The following MUC3A variants were observed in gnomAD, a reference collection of about 807,000 sequenced individuals.
MUC3A encodes mucin 3A, cell surface associated, also known as mucin-3A.
Under a neutral mutation model 109.0 loss-of-function variants are expected in MUC3A, and 109 were observed. That is an observed-to-expected ratio of 1.00 (90% CI 0.86 to 1.17). The LOEUF is 1.17. MUC3A is among the 50% of genes most tolerant of loss of function. The pLI is 0.00. For missense variants in MUC3A, 3,537 were observed against 2,469.4 expected (o/e 1.43, Z -9.16); for synonymous variants, 1,398 against 981.4 (o/e 1.42, Z -7.93).
chr7:100,963,855 AGGGGTG>A, intron 5 of MUC3A, 103 bp downstream of exon 5: 50 of 1,495,374 alleles, frequency 3.3e-5, no homozygotes, highest in Non-Finnish European at 4.4e-5. Context: ...TTTTATAAAG[AGGGGTG>A]GAGGGGGTAC....
chr7:100,949,909 A>T (rs1236682919), intron 1 of MUC3A, among the ~76,000 whole-genome samples: 1 of 152,266 alleles, frequency 6.6e-6, no homozygotes, highest in Non-Finnish European at 1.5e-5. Flanking sequence ...GTTGGGAAAG[A>T]GTGAGGGAGC....
rs1484930491 is a variant in MUC3A, at chr7:100,963,179, A to C, written c.9081A>C (p.Glu3027Asp). The change falls in exon 4 of 12, where the codon GAA becomes GAC. Residue 3027 changes from glutamate to aspartate, a missense_variant. Transcript: ENST00000379458. ...LDVVETEVGM[E>D]VSVDQQFSPD... ...TAGTGGAGACCGAGGTGGGCATGGA[A>C]GTGTCTGTGGATCAGCAGTTCTCGC... 7.5e-6 allele frequency: 12 copies of C among 1,596,892 alleles called. No individual in the cohort carries two copies. The Middle Eastern group carries it at 8.2e-4, about 109-fold the overall frequency.
Position 100,952,155 on chromosome 7 carries a change from A to C in MUC3A, c.376A>C (p.Thr126Pro), listed in dbSNP as rs1273213552. Residue 126 changes from threonine (T) to proline (P), a missense_variant, in exon 2 of 12, where the codon ACT becomes CCT. By Grantham distance (38) the Thr-to-Pro change is conservative. Coordinates refer to ENST00000379458, the MANE Select transcript of MUC3A (RefSeq NM_005960.2). ...CACCGTGTTGGTCTATTCAGCCACC[A>C]CTGAGTGCGTGTATCCAACGAGCTT... The part of the protein sequence containing the change: ...PPTVLVYSAT[T>P]ECVYPTSFII... 1 of 1,598,392 alleles carries C rather than the reference A, an allele frequency of 6.3e-7. No individual in the cohort carries two copies. The highest frequency in any genetic ancestry group is 1.7e-5 in the Admixed American group (1 of 60,010).
chr7:100,949,762 T>G, intron 1 of MUC3A, 77 bp downstream of exon 1: 1 of 1,382,730 alleles, frequency 7.2e-7, no homozygotes. Flanking sequence ...GAAAAGTGGC[T>G]GTAAGGCCTG....
intron 6 of MUC3A, 137 bp from the exon 7 acceptor site, chr7:100,965,145 C>G (rs899784210): frequency 7.2e-7 from 1 of 1,383,330 alleles, no homozygotes; most frequent in Non-Finnish European, 9.8e-7. Context: ...TGGCTCTCTC[C>G]GTCTGGGAGA....
In MUC3A at chr7:100,967,497, T is replaced by C; in HGVS notation, c.*335T>C. On this transcript the variant is annotated 3_prime_UTR_variant, in exon 12 of 12. Coordinates refer to ENST00000379458, the MANE Select transcript of MUC3A (RefSeq NM_005960.2). ...CCACATAGACTTGGTCAATTCTCGG[T>C]CCTACTCTGCCCTCCCGTCTCAGCC... 3.7e-6 allele frequency: 2 copies of C among 542,174 alleles called. No individual in the cohort carries two copies. Among genetic ancestry groups the C allele is most frequent in the Non-Finnish European group, 3.3e-6 (1 of 306,150 alleles). 33.6% of individuals were successfully genotyped at this position (542,174 alleles called of 1,614,324 possible).
In MUC3A at chr7:100,954,422, C is replaced by T. The variant is rs1035077993; in HGVS notation, c.2643C>T (p.Thr881=). 5 of 400,750 alleles carry T rather than the reference C, an allele frequency of 1.2e-5. No individual in the cohort carries two copies. The Admixed American group carries it at 1.8e-4, about 14-fold the overall frequency. The allele number at this position is 400,750 out of a possible 1,614,324, so 24.8% of individuals were successfully genotyped here. A position where few individuals can be genotyped will look rare whatever the true frequency, so the allele number is the denominator to read the frequency against. The change falls in exon 2 of 12, where the codon ACC becomes ACT. Residue 881 remains threonine, a synonymous_variant. Transcript: ENST00000379458. ...ISISVSMTSA[T]TPSGGPTFTS... The stretch of plus-strand genomic sequence containing the variant: ...TCTCTGTTAGCATGACGTCTGCTAC[C>T]ACTCCCAGTGGAGGACCAACTTTCA...
chr7:100,961,319 G>A (rs1792317590), intron 3 of MUC3A, among the ~76,000 whole-genome samples: 1 of 134,026 alleles, frequency 7.5e-6, no homozygotes. Flanking sequence ...CACCAGGGCT[G>A]TGTTGTCTTT....
At position 100,960,454 on chromosome 7, in the gene MUC3A, C is replaced by A. The variant is rs747950347; in HGVS notation, c.8675C>A (p.Thr2892Asn). The A allele has an allele frequency of 2.5e-6, 4 of 1,598,630 alleles. No individual in the cohort carries two copies. Among genetic ancestry groups the A allele is most frequent in the Middle Eastern group, 1.7e-4 (1 of 6,060 alleles). The change falls in exon 2 of 12, where the codon ACC becomes AAC. Residue 2892 changes from threonine (T) to asparagine (N), a missense_variant. Coordinates refer to ENST00000379458, the MANE Select transcript of MUC3A (RefSeq NM_005960.2). ...CCTGGCGTCTCTACCATCCCGCTCA[C>A]CATGAAACCAAGCAGTAGCCTCCCG... ...PLPGVSTIPL[T>N]MKPSSSLPTI...
rs765106032 is a variant in MUC3A, at chr7:100,960,606, T to A, written c.8827T>A (p.Ser2943Thr). 4 of 1,598,400 alleles carry A rather than the reference T, an allele frequency of 2.5e-6. No individual in the cohort carries two copies. Among genetic ancestry groups the A allele is most frequent in the African/African-American group, 1.3e-5 (1 of 74,856 alleles). ...LTSRRTTRITSQMTTQSTLTT... is the reference protein window; with the variant it reads ...LTSRRTTRITTQMTTQSTLTT... ...ATCACGCAGGACAACTCGCATCACTTCTCAGATGACCACACAGTCCACGTT... is the reference window on the plus strand; with the variant it reads ...ATCACGCAGGACAACTCGCATCACTACTCAGATGACCACACAGTCCACGTT... The change falls in exon 2 of 12, where the codon TCT (serine) becomes ACT (threonine). Residue 2943 changes from serine (S) to threonine (T), a missense_variant. By Grantham distance (58) the Ser-to-Thr change is moderately conservative (BLOSUM62 1). Transcript: ENST00000379458.
rs1791960421 is a variant in MUC3A, at chr7:100,952,040, CT to C, written c.262del (p.Ser88LeufsTer48). The C allele has an allele frequency of 6.3e-7, 1 of 1,598,566 alleles. No homozygotes were observed. The highest frequency in any genetic ancestry group is 1.3e-5 in the African/African-American group (1 of 74,962). ...CTACCTCCCCCCATGACACACTCAT[CT>C]CTGAAACATTGCTCAACTCTCCAGT... is the stretch of plus-strand genomic sequence containing the variant. ...LTTSPHDTLI[S>X]ETLLNSPVSS... On this transcript the variant is annotated frameshift_variant, in exon 2 of 12. Coordinates refer to ENST00000379458, the MANE Select transcript of MUC3A (RefSeq NM_005960.2). LOFTEE classifies it high-confidence loss of function.
In MUC3A at chr7:100,965,290, T is replaced by C. The variant is rs779809723; in HGVS notation, c.9391T>C (p.Phe3131Leu). The C allele has an allele frequency of 8.1e-6, 13 of 1,599,104 alleles. No individual in the cohort carries two copies. Among genetic ancestry groups the C allele is most frequent in the Non-Finnish European group, 1.0e-5 (12 of 1,179,730 alleles). Residue 3131 changes from phenylalanine to leucine, a missense_variant, in exon 7 of 12, where the codon TTT becomes CTT. Phe to Leu is a conservative substitution (Grantham distance 22). Coordinates refer to ENST00000379458, the MANE Select transcript of MUC3A (RefSeq NM_005960.2). ...NSCQDSQTLC[F>L]KPDSIKVNNN... Reference sequence around the variant, plus strand: ...TGCCTGTGTTTCCGCAGCCCTGTGTTTTAAGCCTGACTCCATCAAGGTGAA... The same window carrying C: ...TGCCTGTGTTTCCGCAGCCCTGTGTCTTAAGCCTGACTCCATCAAGGTGAA...
At chr7:100,962,003 C>G (rs1481642837) in intron 3 of MUC3A, among the ~76,000 whole-genome samples, 1 of 26,760 alleles carries the variant, frequency 3.7e-5, no homozygotes, top group Admixed American at 6.4e-4. Context: ...GAGGCCGAGG[C>G]GGGCGGATCA....
Position 100,958,797 on chromosome 7 carries a change from A to G in MUC3A, c.7018A>G (p.Ser2340Gly), listed in dbSNP as rs796578153. 1 of 1,229,452 alleles carries G rather than the reference A, an allele frequency of 8.1e-7. No individual in the cohort carries two copies. Among genetic ancestry groups the G allele is most frequent in the Non-Finnish European group, 1.0e-6 (1 of 976,874 alleles). The allele number at this position is 1,229,452 out of a possible 1,614,324, so 76.2% of individuals were successfully genotyped here. A position where few individuals can be genotyped will look rare whatever the true frequency, so the allele number is the denominator to read the frequency against. Residue 2340 changes from serine (S) to glycine (G), a missense_variant, in exon 2 of 12, where the codon AGC becomes GGC. Ser to Gly is a moderately conservative substitution (Grantham distance 56, BLOSUM62 0). Coordinates refer to ENST00000379458, the MANE Select transcript of MUC3A (RefSeq NM_005960.2). ...TTETTSHNTR[S>G]FTSSITTTET... The stretch of plus-strand genomic sequence containing the variant: ...CGAGACCACCTCACACAATACTCGC[A>G]GCTTCACTTCTTCGATCACCACCAC...
Position 100,960,632 on chromosome 7 carries a change from GACC to G in MUC3A, c.8859_8861del (p.Thr2954del). On this transcript the variant is annotated inframe_deletion, in exon 2 of 12. Transcript: ENST00000379458. Reference sequence around the variant, plus strand: ...CTCAGATGACCACACAGTCCACGTTGACCACCACTGCAGGTTGGACCTTCTGCC... The same window carrying G: ...CTCAGATGACCACACAGTCCACGTTGACCACTGCAGGTTGGACCTTCTGCC... The G allele has an allele frequency of 6.3e-7, 1 of 1,598,010 alleles. No individual in the cohort carries two copies. Among genetic ancestry groups the G allele is most frequent in the Non-Finnish European group, 8.5e-7 (1 of 1,179,418 alleles).
Position 100,960,250 on chromosome 7 carries a change from C to T in MUC3A, c.8471C>T (p.Thr2824Ile). ...TCPTSISIQT[T>I]LTTYMDTSSM... ...CCTACCTCCATCAGTATCCAAACTA[C>T]TCTTACTACATATATGGACACTTCT... Residue 2824 changes from threonine to isoleucine, a missense_variant, in exon 2 of 12, where the codon ACT becomes ATT. Thr to Ile is a moderately conservative substitution (Grantham distance 89). Coordinates refer to ENST00000379458, the MANE Select transcript of MUC3A (RefSeq NM_005960.2). 6.3e-6 allele frequency: 10 copies of T among 1,598,524 alleles called. No homozygotes were observed. The African/African-American group carries it at 1.3e-4, about 21-fold the overall frequency.
In MUC3A at chr7:100,959,968, T is replaced by G. The variant is rs370087586; in HGVS notation, c.8189T>G (p.Phe2730Cys). 9.9e-6 allele frequency: 15 copies of G among 1,507,914 alleles called. No individual in the cohort carries two copies. The highest frequency in any genetic ancestry group is 1.4e-5 in the African/African-American group (1 of 71,950). The allele number at this position is 1,507,914 out of a possible 1,614,324, so 93.4% of individuals were successfully genotyped here. A position where few individuals can be genotyped will look rare whatever the true frequency, so the allele number is the denominator to read the frequency against. ...ENVGSASITG[F>C]PSLSSSATTS... ...GTGGGCTCCGCTTCTATCACAGGCT[T>G]TCCTAGTCTCTCTTCCTCTGCAACT... is the stretch of plus-strand genomic sequence containing the variant. The change falls in exon 2 of 12, where the codon TTT becomes TGT. Residue 2730 changes from phenylalanine (F) to cysteine (C), a missense_variant. Physicochemically the swap from Phe to Cys is radical, Grantham distance 205 (BLOSUM62 -2). Coordinates refer to ENST00000379458, the MANE Select transcript of MUC3A (RefSeq NM_005960.2).
In MUC3A at chr7:100,966,971, G is replaced by T. The variant is rs1319277149; in HGVS notation, c.9930+20G>T. On this transcript the variant is annotated intron_variant, in intron 11 of 11. Transcript: ENST00000379458. The stretch of plus-strand genomic sequence containing the variant: ...ATGAAGGTGAGGGGCTAAAGAGGGG[G>T]ACCCCAAGGAACTCTCCCAGCCTCC... 6.3e-7 allele frequency: 1 copy of T among 1,598,556 alleles called. No individual in the cohort carries two copies. The highest frequency in any genetic ancestry group is 1.7e-5 in the Admixed American group (1 of 60,034).
rs754549212 is a variant in MUC3A at position 100,960,630 on chromosome 7, T to C, written c.8851T>C (p.Leu2951=). Residue 2951 remains leucine (L), a synonymous_variant, in exon 2 of 12, where the codon TTG becomes CTG. Coordinates refer to ENST00000379458, the MANE Select transcript of MUC3A (RefSeq NM_005960.2). ...TTCTCAGATGACCACACAGTCCACG[T>C]TGACCACCACTGCAGGTTGGACCTT... The part of the protein sequence containing the change: ...ITSQMTTQST[L]TTTAGTCDNG... The C allele has an allele frequency of 5.6e-6, 9 of 1,598,108 alleles. No individual in the cohort carries two copies. Among genetic ancestry groups the C allele is most frequent in the South Asian group, 1.1e-5 (1 of 91,010 alleles).
Sources: gnomAD v4.1 joint callset for allele counts (sites outside exome capture counted in the v4.1 genomes callset) on GRCh38, gnomAD v4.1.1 for gene constraint, MANE v1.5 for transcripts, NCBI Gene and HGNC (gene_info 2026-07-23, HGNC 2026-07-21) for gene names.